The following METTL15 variants were observed in gnomAD, a reference collection of about 807,000 sequenced individuals.
METTL15 encodes the protein 12S rRNA N(4)-cytidine methyltransferase METTL15.
In METTL15, 34 loss-of-function variants were observed where a neutral mutation model predicts 38.3. That is an observed-to-expected ratio of 0.89 (90% CI 0.68 to 1.18). METTL15 has a LOEUF of 1.18. METTL15 is among the 50% of genes most tolerant of loss of function. The pLI is 0.00. For missense variants in METTL15, 438 were observed against 498.4 expected (o/e 0.88, Z 1.15); for synonymous variants, 162 against 170.9 (o/e 0.95, Z 0.41).
chr11:28,426,584 G>GTTTTTTTTTTTTTTTTTTTTTTTT (rs66959082), intron 6 of METTL15, among the ~76,000 whole-genome samples: 1 of 82,342 alleles, frequency 1.2e-5, no homozygotes. Context: ...GCCAGCATCT[G>GTTTTTTTTTTTTTTTTTTTTTTTT]TTTTTTTTTT....
intron 6 of METTL15, among the ~76,000 whole-genome samples, chr11:28,477,097 CAG>C (rs1247407210): frequency 2.0e-5 from 3 of 152,198 alleles, no homozygotes; most frequent in Non-Finnish European, 4.4e-5. Flanking sequence ...CTAAAATCCC[CAG>C]ACTTGTGCTG....
At chr11:28,281,052 T>C (rs1750786931) in intron 4 of METTL15, among the ~76,000 whole-genome samples, 1 of 152,194 alleles carries the variant, frequency 6.6e-6, no homozygotes, top group African/African-American at 2.4e-5. Context: ...GTAATTTTTA[T>C]TTTATTTCAC....
At chr11:28,137,938 T>C (rs1849569101) in intron 3 of METTL15, among the ~76,000 whole-genome samples, 1 of 152,152 alleles carries the variant, frequency 6.6e-6, no homozygotes, top group Admixed American at 6.5e-5. Flanking sequence ...TGTAAGATTC[T>C]TCATTTTCTA....
chr11:28,246,756 T>C (rs964842408), intron 4 of METTL15, among the ~76,000 whole-genome samples: 3 of 152,148 alleles, frequency 2.0e-5, no homozygotes, highest in African/African-American at 7.2e-5. Context: ...ATATTAGTGA[T>C]ACACATGGGT....
At chr11:28,110,664 G>A (rs996363176) in intron 2 of METTL15, among the ~76,000 whole-genome samples, 10 of 152,044 alleles carry the variant, frequency 6.6e-5, no homozygotes, top group Admixed American at 5.9e-4. Flanking sequence ...TGTGCCAGCC[G>A]CCACGTCGCG....
At chr11:28,296,364 A>C (rs900298202) in intron 5 of METTL15, among the ~76,000 whole-genome samples, 1 of 152,058 alleles carries the variant, frequency 6.6e-6, no homozygotes, top group African/African-American at 2.4e-5. Context: ...TCATCAGCAA[A>C]CCTTGTATCT....
At chr11:28,146,588 C>T (rs577674767) in intron 3 of METTL15, among the ~76,000 whole-genome samples, 1 of 152,014 alleles carries the variant, frequency 6.6e-6, no homozygotes, top group African/African-American at 2.4e-5. Flanking sequence ...AACCCTGTGT[C>T]ATTGTGATTA....
At chr11:28,348,679 T>C (rs1397502373) in intron 3 of METTL15, among the ~76,000 whole-genome samples, 1 of 135,268 alleles carries the variant, frequency 7.4e-6, no homozygotes, top group Non-Finnish European at 1.6e-5. Context: ...TGTCTATCCA[T>C]TTATGTATGT....
At chr11:28,330,293 T>G in intron 6 of METTL15, 103 bp from the exon 7 acceptor site, 1 of 1,032,410 alleles carries the variant, frequency 9.7e-7, no homozygotes, top group Non-Finnish European at 1.4e-6. Context: ...TAAGAAAACT[T>G]AGTTCACTAA....
chr11:28,146,637 A>G (rs1276689386), intron 3 of METTL15, among the ~76,000 whole-genome samples: 1 of 151,966 alleles, frequency 6.6e-6, no homozygotes, highest in Non-Finnish European at 1.5e-5. Flanking sequence ...TCTTAAAAAT[A>G]TTCAATACAA....
At chr11:28,242,219 A>G (rs1854330181) in intron 4 of METTL15, among the ~76,000 whole-genome samples, 1 of 152,180 alleles carries the variant, frequency 6.6e-6, no homozygotes, top group East Asian at 1.9e-4. Context: ...ATCATTATTA[A>G]GTATTCATTC....
intron 3 of METTL15, among the ~76,000 whole-genome samples, chr11:28,157,966 G>A (rs537241718): frequency 3.9e-5 from 6 of 152,290 alleles, no homozygotes; most frequent in East Asian, 3.9e-4. Context: ...GAAGGACGGC[G>A]GTGAAGGGAA....
intron 6 of METTL15, among the ~76,000 whole-genome samples, chr11:28,514,252 C>T (rs1224622330): frequency 2.0e-5 from 3 of 152,122 alleles, no homozygotes; most frequent in Admixed American, 6.5e-5. Flanking sequence ...GCCATCTACC[C>T]GACCAAGTTA....
At chr11:28,411,258 T>G (rs894613367) in intron 5 of METTL15, among the ~76,000 whole-genome samples, 1 of 151,966 alleles carries the variant, frequency 6.6e-6, no homozygotes, top group Non-Finnish European at 1.5e-5. Context: ...AAAATTCATA[T>G]GGGACTACAA....
chr11:28,261,468 C>T (rs1044232571), intron 4 of METTL15: 1 of 156,304 alleles, frequency 6.4e-6, no homozygotes, highest in African/African-American at 2.4e-5. Context: ...GCTGAATCAA[C>T]TCTGGTGATC....
intron 6 of METTL15, among the ~76,000 whole-genome samples, chr11:28,313,754 T>C (rs2134031664): frequency 6.6e-6 from 1 of 152,132 alleles, no homozygotes; most frequent in African/African-American, 2.4e-5. Context: ...TACCATAATT[T>C]ATTAACTTAC....
chr11:28,501,751 T>A (rs1409276887), intron 6 of METTL15, among the ~76,000 whole-genome samples: 1 of 152,108 alleles, frequency 6.6e-6, no homozygotes, highest in Non-Finnish European at 1.5e-5. Context: ...GCAATCCGTA[T>A]CACCCACTGT....
At chr11:28,471,888 G>T (rs550470047) in intron 6 of METTL15, among the ~76,000 whole-genome samples, 56 of 152,214 alleles carry the variant, frequency 3.7e-4, no homozygotes, top group African/African-American at 1.2e-3. Context: ...TCTGTGGGGG[G>T]AAAAACTCTC....
chr11:28,411,802 A>T (rs1350463317), intron 5 of METTL15, among the ~76,000 whole-genome samples: 1 of 152,060 alleles, frequency 6.6e-6, no homozygotes, highest in Non-Finnish European at 1.5e-5. Flanking sequence ...AATGAAAAAG[A>T]AACCTTCTGA....
Sources: gnomAD v4.1 joint callset for allele counts (sites outside exome capture counted in the v4.1 genomes callset) on GRCh38, gnomAD v4.1.1 for gene constraint, MANE v1.5 for transcripts, NCBI Gene and HGNC (gene_info 2026-07-23, HGNC 2026-07-21) for gene names.